OPCML: variants seen among roughly 807,000 people sequenced by gnomAD.
OPCML encodes opioid-binding protein/cell adhesion molecule.
In OPCML, 13 loss-of-function variants were observed where a neutral mutation model predicts 37.8. The ratio of observed to expected loss-of-function variants is 0.34; its 90% confidence interval spans 0.22 to 0.55. OPCML has a LOEUF of 0.55. Among genes scored for constraint, OPCML ranks in the 20% least tolerant of loss-of-function variants. OPCML has a pLI of 0.91. For missense variants in OPCML, 341 were observed against 435.6 expected, an observed-to-expected ratio of 0.78 and a Z score of 1.93; for synonymous variants, 176 against 168.8, an observed-to-expected ratio of 1.04 and a Z score of -0.33.
chr11:132,990,956 A>C (rs914128102), intron 1 of OPCML, among the ~76,000 whole-genome samples: 16 of 152,340 alleles, frequency 1.1e-4, no homozygotes, highest in African/African-American at 3.8e-4. Context: ...TATGATTCCA[A>C]GTCTTGCCTT....
intron 1 of OPCML, among the ~76,000 whole-genome samples, chr11:133,169,354 T>C (rs1253066826): frequency 1.3e-5 from 2 of 152,160 alleles, no homozygotes; most frequent in Non-Finnish European, 2.9e-5. Flanking sequence ...AATGATCCTT[T>C]ACTGAGTTAA....
intron 3 of OPCML, among the ~76,000 whole-genome samples, chr11:132,556,866 C>T (rs1184431462): frequency 2.0e-5 from 3 of 152,154 alleles, no homozygotes. Flanking sequence ...CCTGGACTCT[C>T]CTAGGCGGAT....
intron 1 of OPCML, among the ~76,000 whole-genome samples, chr11:133,431,552 G>A (rs959965172): frequency 3.3e-5 from 5 of 151,906 alleles, no homozygotes; most frequent in African/African-American, 7.2e-5. Flanking sequence ...CGCAACCTCC[G>A]CCTCCTGGGT....
intron 3 of OPCML, among the ~76,000 whole-genome samples, chr11:132,596,846 G>A (rs1446304054): frequency 6.6e-6 from 1 of 152,184 alleles, no homozygotes; most frequent in East Asian, 1.9e-4. Flanking sequence ...GTCATAAATT[G>A]ACTAGATTGT....
chr11:132,594,886 A>T (rs2096490074), intron 3 of OPCML, among the ~76,000 whole-genome samples: 1 of 152,242 alleles, frequency 6.6e-6, no homozygotes, highest in African/African-American at 2.4e-5. Flanking sequence ...GCAGAGCCAG[A>T]ATTACATATG....
rs372933578 is a variant in OPCML at position 133,157,911 on chromosome 11, C to G, written c.62-214901G>C. On this transcript the variant is annotated intron_variant, in intron 1 of 7. Transcript: ENST00000524381. Reference sequence around the variant, plus strand: ...CTCCAAAAACATATCATTCTGCTTGCCCCGGGGGGCACTGGTTATACAAGA... The same window carrying G: ...CTCCAAAAACATATCATTCTGCTTGGCCCGGGGGGCACTGGTTATACAAGA... Among the ~76,000 whole-genome samples the G allele has an allele frequency of 1.8e-4, 27 of 152,278 alleles. No individual in the cohort carries two copies. The East Asian group carries it at 4.1e-3, about 23-fold the overall frequency.
At chr11:133,487,440 G>C (rs1947553875) in intron 1 of OPCML, among the ~76,000 whole-genome samples, 1 of 152,088 alleles carries the variant, frequency 6.6e-6, no homozygotes, top group African/African-American at 2.4e-5. Flanking sequence ...TCAGGTCTCA[G>C]CTAAAACATA....
chr11:133,106,050 T>A (rs570209632), intron 1 of OPCML, among the ~76,000 whole-genome samples: 2 of 152,344 alleles, frequency 1.3e-5, no homozygotes, highest in African/African-American at 4.8e-5. Flanking sequence ...GTGCCATTTT[T>A]AAAATAACAT....
chr11:133,279,464 TC>T (rs891084238), intron 1 of OPCML, among the ~76,000 whole-genome samples: 11 of 152,196 alleles, frequency 7.2e-5, no homozygotes, highest in African/African-American at 2.7e-4. Flanking sequence ...GTCTGAACAC[TC>T]CTGATAAGCA....
chr11:132,663,629 T>C lies in OPCML; in HGVS notation c.147-6310A>G, dbSNP rs181956511. On this transcript the variant is annotated intron_variant, in intron 2 of 7. Coordinates refer to ENST00000524381, the MANE Select transcript of OPCML (RefSeq NM_001012393.5). Reference sequence around the variant, plus strand: ...ATACAGAGGTGACTGGCTTTGTCAGTGACGCCTTCCTACCAGCAAAAGCTG... The same window carrying C: ...ATACAGAGGTGACTGGCTTTGTCAGCGACGCCTTCCTACCAGCAAAAGCTG... Among the ~76,000 whole-genome samples, 497 of 152,320 alleles carry C rather than the reference T, an allele frequency of 3.3e-3. 3 individuals carry two copies. The highest frequency in any genetic ancestry group is 5.0e-3 in the Non-Finnish European group (340 of 68,024).
At chr11:132,495,301 T>A (rs2096227860) in intron 4 of OPCML, among the ~76,000 whole-genome samples, 1 of 152,134 alleles carries the variant, frequency 6.6e-6, no homozygotes, top group Admixed American at 6.5e-5. Context: ...ACAACTACAA[T>A]CTCAGAATAT....
At chr11:133,181,150 C>T (rs1356297947) in intron 1 of OPCML, among the ~76,000 whole-genome samples, 1 of 152,062 alleles carries the variant, frequency 6.6e-6, no homozygotes, top group East Asian at 1.9e-4. Flanking sequence ...GTTTGGGGAC[C>T]GGAGCAGAAG....
At position 132,855,455 on chromosome 11, in the gene OPCML, T is replaced by C. The variant is rs145130737; in HGVS notation, c.146+87471A>G. ...ACCGTGCATTAATTAAACTCTTCAT[T>C]TACTGCAATATTGTTGTCTCAGCAA... On this transcript the variant is annotated intron_variant, in intron 2 of 7. Coordinates refer to ENST00000524381, the MANE Select transcript of OPCML (RefSeq NM_001012393.5). Among the ~76,000 whole-genome samples the C allele has an allele frequency of 1.4e-3, 217 of 152,332 alleles. 1 individual carries two copies. The highest frequency in any genetic ancestry group is 5.1e-3 in the African/African-American group (210 of 41,584).
At chr11:133,152,394 C>A (rs1325594404) in intron 1 of OPCML, among the ~76,000 whole-genome samples, 1 of 152,150 alleles carries the variant, frequency 6.6e-6, no homozygotes, top group African/African-American at 2.4e-5. Context: ...TTTAAGAACT[C>A]GGAGTTTCCT....
intron 2 of OPCML, among the ~76,000 whole-genome samples, chr11:132,693,684 A>G (rs933016150): frequency 6.6e-6 from 1 of 152,262 alleles, no homozygotes; most frequent in Non-Finnish European, 1.5e-5. Context: ...AGAAAATTTT[A>G]CCAACAATTA....
chr11:132,802,947 T>C (rs1344253258), intron 2 of OPCML, among the ~76,000 whole-genome samples: 4 of 152,164 alleles, frequency 2.6e-5, no homozygotes, highest in Admixed American at 6.5e-5. Flanking sequence ...CACTTAGAAT[T>C]AAAGGTAGAA....
At chr11:132,482,590 T>TA (rs1182741949) in intron 4 of OPCML, among the ~76,000 whole-genome samples, 9 of 152,352 alleles carry the variant, frequency 5.9e-5, no homozygotes, top group African/African-American at 2.2e-4. Context: ...ATCATTCTGA[T>TA]ACCAAAGCTG....
chr11:132,550,372 T>C (rs1282082726), intron 3 of OPCML, among the ~76,000 whole-genome samples: 1 of 152,138 alleles, frequency 6.6e-6, no homozygotes, highest in African/African-American at 2.4e-5. Context: ...GTCCTCATGA[T>C]AGTGAGTGAG....
chr11:132,931,290 G>A (rs554186111), intron 2 of OPCML, among the ~76,000 whole-genome samples: 2 of 152,056 alleles, frequency 1.3e-5, no homozygotes, highest in East Asian at 1.9e-4. Flanking sequence ...AAGCACAGAC[G>A]ACAAAAGGAA....
Sources: allele counts gnomAD v4.1 joint callset (sites outside exome capture counted in the v4.1 genomes callset), GRCh38; gene constraint gnomAD v4.1.1; transcripts MANE v1.5; gene names NCBI Gene and HGNC (gene_info 2026-07-23, HGNC 2026-07-21).